TRAP1: variants seen among roughly 807,000 people sequenced by gnomAD.
The protein encoded by TRAP1 is TNF receptor associated protein 1, also known as heat shock protein 75 kDa, mitochondrial.
In TRAP1, 102 loss-of-function variants were observed where a neutral mutation model predicts 89.1. The ratio of observed to expected loss-of-function variants is 1.15; its 90% CI spans 0.98 to 1.35. TRAP1 has a LOEUF of 1.35. TRAP1 is among the 40% of genes most tolerant of loss of function. The pLI is 0.00. For missense variants in TRAP1, 1,256 were observed against 945.3 expected, an observed-to-expected ratio of 1.33 and a Z score of -4.31; for synonymous variants, 508 against 388.0, an observed-to-expected ratio of 1.31 and a Z score of -3.64.
At chr16:3,686,377 C>A (rs1209241164) in intron 3 of TRAP1, among the ~76,000 whole-genome samples, 3 of 152,190 alleles carry the variant, frequency 2.0e-5, no homozygotes, top group Non-Finnish European at 4.4e-5. Flanking sequence ...AGGCTGGAGG[C>A]TGCAATCACG....
chr16:3,695,772 G>C (rs905659498), intron 1 of TRAP1, among the ~76,000 whole-genome samples: 1 of 152,120 alleles, frequency 6.6e-6, no homozygotes, highest in African/African-American at 2.4e-5. Context: ...CAGGAGATGT[G>C]TCCCCTGCGG....
intron 1 of TRAP1, among the ~76,000 whole-genome samples, chr16:3,702,101 C>T (rs921529007): frequency 9.2e-5 from 14 of 151,952 alleles, no homozygotes; most frequent in African/African-American, 2.7e-4. Context: ...CCAGCCTGGG[C>T]GACACAGTGA....
Position 3,715,792 on chromosome 16 carries a change from AAAAT to A in TRAP1, c.88+1625_88+1628del, listed in dbSNP as rs1174736430. ...TGAAACCCCACCTCATAAAGACAAA[AAAAT>A]AAATAAATAATTGATCAGACACTGG... is the stretch of plus-strand genomic sequence containing the variant. On this transcript the variant is annotated intron_variant, in intron 1 of 17. Transcript: ENST00000246957. Among the ~76,000 whole-genome samples the A allele has an allele frequency of 5.9e-5, 9 of 152,114 alleles. No individual in the cohort carries two copies. In the East Asian group the frequency reaches 1.2e-3, roughly 20 times the overall value.
intron 1 of TRAP1, among the ~76,000 whole-genome samples, chr16:3,714,940 G>A (rs1476123185): frequency 6.6e-6 from 1 of 152,188 alleles, no homozygotes; most frequent in East Asian, 1.9e-4. Context: ...CACAAGACAT[G>A]TATTTTCTTA....
At chr16:3,672,649 C>A in intron 10 of TRAP1, 51 bp downstream of exon 10, 1 of 1,562,536 alleles carries the variant, frequency 6.4e-7, no homozygotes, top group Non-Finnish European at 8.6e-7. Context: ...ACAGATGCAG[C>A]GGGCGACACT....
At chr16:3,677,449 G>A in intron 6 of TRAP1, 49 bp downstream of exon 6, 1 of 1,612,584 alleles carries the variant, frequency 6.2e-7, no homozygotes, top group Non-Finnish European at 8.5e-7. Context: ...CCATGCTAAG[G>A]GCTCCAGCTC....
chr16:3,672,794 C>T lies in TRAP1; in HGVS notation c.1071G>A (p.Arg357=). 6.2e-7 allele frequency: 1 copy of T among 1,613,090 alleles called. No homozygotes were observed. The part of the protein sequence containing the change: ...DMKPSMFDVS[R]ELGSSVALYS... The stretch of plus-strand genomic sequence containing the variant: ...ACAGTGCAACGCTGGAGCCCAGCTC[C>T]CGGCTCACATCAAACATGGACGGTT... The change falls in exon 10 of 18, where the codon CGG becomes CGA. Residue 357 remains arginine (R), a synonymous_variant. Coordinates refer to ENST00000246957, the MANE Select transcript of TRAP1 (RefSeq NM_016292.3).
chr16:3,694,374 C>A (rs1163724786), intron 1 of TRAP1, among the ~76,000 whole-genome samples: 2 of 151,850 alleles, frequency 1.3e-5, no homozygotes, highest in Non-Finnish European at 2.9e-5. Context: ...GACAGAGTCT[C>A]GCTCTGTCAT....
chr16:3,688,672 C>T (rs148185868), intron 3 of TRAP1, among the ~76,000 whole-genome samples: 246 of 152,008 alleles, frequency 1.6e-3, no homozygotes, highest in Admixed American at 2.6e-3. Flanking sequence ...TTTGTAGAGA[C>T]GGAGTCTTGC....
In TRAP1 at chr16:3,662,108, G is replaced by T; in HGVS notation, c.1819C>A (p.Pro607Thr). 1 of 1,613,064 alleles carries T rather than the reference G, an allele frequency of 6.2e-7. No homozygotes were observed. The highest frequency in any genetic ancestry group is 1.1e-5 in the South Asian group (1 of 91,044). The part of the protein sequence containing the change: ...VKVTLRLDTH[P>T]AMVTVLEMGA... ...ATCTCCAGCACGGTGACCATGGCAG[G>T]GTGGGTGTCCAGTCGGAGGGTCACC... The change falls in exon 16 of 18, where the codon CCT becomes ACT. Residue 607 changes from proline (P) to threonine (T), a missense_variant. Transcript: ENST00000246957.
chr16:3,658,867 T>TGCAACACAGAAC lies in TRAP1; in HGVS notation c.1941-14_1941-3dup. Reference sequence around the variant, plus strand: ...TTCAGCTTCTTGATGAGCGCGTGCCTGCAACACAGAACCCACCAGAAAAAG... The same window carrying TGCAACACAGAAC: ...TTCAGCTTCTTGATGAGCGCGTGCCTGCAACACAGAACGCAACACAGAACCCACCAGAAAAAG... On this transcript the variant is annotated splice_polypyrimidine_tract_variant and splice_region_variant and intron_variant, in intron 16 of 17. Transcript: ENST00000246957. 1.2e-6 allele frequency: 2 copies of TGCAACACAGAAC among 1,613,940 alleles called. No homozygotes were observed. The highest frequency in any genetic ancestry group is 1.7e-6 in the Non-Finnish European group (2 of 1,179,932).
chr16:3,709,729 C>T (rs537694120), intron 1 of TRAP1, among the ~76,000 whole-genome samples: 7 of 152,292 alleles, frequency 4.6e-5, no homozygotes, highest in African/African-American at 1.4e-4. Context: ...CGGCACACCA[C>T]AACCTCCACC....
At chr16:3,677,758 C>T (rs2051019335) in intron 5 of TRAP1, 100 bp from the exon 6 acceptor site, 2 of 1,379,468 alleles carry the variant, frequency 1.4e-6, no homozygotes, top group Non-Finnish European at 1.9e-6. Context: ...ACCCCTTCAT[C>T]CTGAAAACAG....
intron 1 of TRAP1, among the ~76,000 whole-genome samples, chr16:3,695,557 G>C (rs867731600): frequency 6.9e-6 from 1 of 145,112 alleles, no homozygotes; most frequent in African/African-American, 2.6e-5. Flanking sequence ...AAAAAGAAAA[G>C]AAAAAGAAAA....
chr16:3,692,965 T>G (rs575798812), intron 1 of TRAP1, among the ~76,000 whole-genome samples: 3 of 150,168 alleles, frequency 2.0e-5, no homozygotes, highest in Non-Finnish European at 4.4e-5. Context: ...CTTTTGTTTT[T>G]GTTTTTTTTT....
At chr16:3,713,116 C>A (rs935269058) in intron 1 of TRAP1, among the ~76,000 whole-genome samples, 1 of 149,322 alleles carries the variant, frequency 6.7e-6, no homozygotes, top group African/African-American at 2.4e-5. Context: ...AGCTGTTTCA[C>A]AGACAGAGTC....
Position 3,671,824 on chromosome 16 carries a change from C to G in TRAP1, c.1166-33G>C, listed in dbSNP as rs1220235302. 3 of 1,606,184 alleles carry G rather than the reference C, an allele frequency of 1.9e-6. No individual in the cohort carries two copies. The African/African-American group carries it at 4.0e-5, about 21-fold the overall frequency. ...ACACGGCAGTCAGCTTCTCCCGGGG[C>G]TGCGGCCCTCCACACCACCCAACAT... On this transcript the variant is annotated intron_variant, in intron 10 of 17. Transcript: ENST00000246957.
intron 11 of TRAP1, among the ~76,000 whole-genome samples, chr16:3,667,081 G>A (rs942495264): frequency 6.6e-6 from 1 of 152,150 alleles, no homozygotes; most frequent in Non-Finnish European, 1.5e-5. Context: ...GTGCCTGGGA[G>A]CGGGGGGACA....
At chr16:3,698,830 G>A (rs1268840875) in intron 1 of TRAP1, among the ~76,000 whole-genome samples, 1 of 151,720 alleles carries the variant, frequency 6.6e-6, no homozygotes, top group African/African-American at 2.4e-5. Context: ...AGGTTGCAGT[G>A]AGCCAAGATC....
Sources: gnomAD v4.1 joint callset for allele counts (sites outside exome capture counted in the v4.1 genomes callset) on GRCh38, gnomAD v4.1.1 for gene constraint, MANE v1.5 for transcripts, NCBI Gene and HGNC (gene_info 2026-07-23, HGNC 2026-07-21) for gene names.